Variants in CD47 observed in about 807,000 individuals in gnomAD.
CD47 encodes the protein leukocyte surface antigen CD47.
CD47 carries 11 observed loss-of-function variants against 44.6 expected under a neutral mutation model. That is an observed-to-expected ratio of 0.25 (90% CI 0.16 to 0.41). The LOEUF (loss-of-function observed/expected upper bound fraction) is 0.41, where lower values mean the gene tolerates loss of function less well. CD47 is among the 10% of genes least tolerant of loss of function. The pLI is 1.00. For synonymous variants in CD47, 140 were observed against 136.3 expected (o/e 1.03, Z -0.19); for missense variants, 306 against 386.7 (o/e 0.79, Z 1.75).
intron 10 of CD47, among the ~76,000 whole-genome samples, chr3:108,049,132 C>CA (rs2078777689): frequency 7.1e-6 from 1 of 140,270 alleles, no homozygotes; most frequent in Non-Finnish European, 1.5e-5. Flanking sequence ...CTCTCTCTCT[C>CA]TCTCTCTCTC....
Position 108,058,317 on chromosome 3 carries a change from TAC to T in CD47, c.784+18_784+19del. 6.9e-7 allele frequency: 1 copy of T among 1,449,004 alleles called. No homozygotes were observed. The highest frequency in any genetic ancestry group is 1.3e-5 in the South Asian group (1 of 78,478). The allele number at this position is 1,449,004 out of a possible 1,614,324, so 89.8% of individuals were successfully genotyped here. ...GTCCAAAAGTAACCCAAATTAGGTCTACAGAAAGATGACTCTTACCCGCAATA... is the reference window on the plus strand; with the variant it reads ...GTCCAAAAGTAACCCAAATTAGGTCTAGAAAGATGACTCTTACCCGCAATA... On this transcript the variant is annotated intron_variant, in intron 6 of 10. Coordinates refer to ENST00000361309, the MANE Select transcript of CD47 (RefSeq NM_001777.4).
At position 108,055,463 on chromosome 3, in the gene CD47, A is replaced by G. The variant is rs942731335; in HGVS notation, c.877+2014T>C. Reference sequence around the variant, plus strand: ...TTACACAGTCAGATTATATAAGCAAACCATATTAATGTTCCTCCTAGTCTA... The same window carrying G: ...TTACACAGTCAGATTATATAAGCAAGCCATATTAATGTTCCTCCTAGTCTA... On this transcript the variant is annotated intron_variant, in intron 7 of 10. Coordinates refer to ENST00000361309, the MANE Select transcript of CD47 (RefSeq NM_001777.4). 1.0e-5 allele frequency: 10 copies of G among 969,782 alleles called. No individual in the cohort carries two copies. In the East Asian group the frequency reaches 5.5e-4, roughly 53 times the overall value. The allele number at this position is 969,782 out of a possible 1,614,324, so 60.1% of individuals were successfully genotyped here.
chr3:108,087,828 A>G (rs185640271), intron 1 of CD47, among the ~76,000 whole-genome samples: 1 of 152,300 alleles, frequency 6.6e-6, no homozygotes, highest in Admixed American at 6.5e-5. Context: ...TTTCTGTTTC[A>G]ACACTGTATA....
At chr3:108,052,570 T>G (rs747210258) in intron 7 of CD47, 1 of 152,654 alleles carries the variant, frequency 6.6e-6, no homozygotes, top group African/African-American at 2.4e-5. Context: ...ATTAATGAAG[T>G]TGAAGGAATA....
At chr3:108,080,806 A>T (rs1183001338) in intron 1 of CD47, among the ~76,000 whole-genome samples, 1 of 151,908 alleles carries the variant, frequency 6.6e-6, no homozygotes, top group Non-Finnish European at 1.5e-5. Flanking sequence ...ACTGATATGA[A>T]ATTTATCTTT....
chr3:108,079,567 TAAAAAA>T (rs71629342), intron 2 of CD47, among the ~76,000 whole-genome samples: 2 of 53,102 alleles, frequency 3.8e-5, no homozygotes, highest in African/African-American at 1.0e-4. Context: ...AGTGTAAGGT[TAAAAAA>T]AAAAAAAAAA....
At chr3:108,056,179 C>G (rs1165541875) in intron 7 of CD47, among the ~76,000 whole-genome samples, 2 of 152,206 alleles carry the variant, frequency 1.3e-5, no homozygotes, top group African/African-American at 4.8e-5. Context: ...CACCAACATT[C>G]AAGATGTTCA....
intron 3 of CD47, among the ~76,000 whole-genome samples, chr3:108,066,335 T>C (rs913361496): frequency 6.6e-6 from 1 of 152,232 alleles, no homozygotes; most frequent in Non-Finnish European, 1.5e-5. Flanking sequence ...TATTCTGATA[T>C]GAATTCCAGT....
intron 8 of CD47, chr3:108,050,821 A>G: frequency 2.0e-6 from 1 of 506,770 alleles, no homozygotes; most frequent in Non-Finnish European, 3.8e-6. Context: ...TTATTCTCTT[A>G]ATATTATTTT....
chr3:108,047,156 T>A lies in CD47; in HGVS notation c.*132A>T. On this transcript the variant is annotated 3_prime_UTR_variant, in exon 11 of 11. Coordinates refer to ENST00000361309, the MANE Select transcript of CD47 (RefSeq NM_001777.4). The stretch of plus-strand genomic sequence containing the variant: ...AACTAACAATCACGTAAGGGTCTCA[T>A]AGGTGACAACCAGTTACTTTTCTTG... 1 of 610,876 alleles carries A rather than the reference T, an allele frequency of 1.6e-6. No individual in the cohort carries two copies. Among genetic ancestry groups the A allele is most frequent in the East Asian group, 2.8e-5 (1 of 35,204 alleles). The allele number at this position is 610,876 out of a possible 1,614,324, so 37.8% of individuals were successfully genotyped here.
chr3:108,052,296 GTGCT>G, intron 7 of CD47: 1 of 262,862 alleles, frequency 3.8e-6, no homozygotes, highest in Non-Finnish European at 7.4e-6. Flanking sequence ...CCCACCATGG[GTGCT>G]CCATCCTCCC....
intron 2 of CD47, among the ~76,000 whole-genome samples, chr3:108,079,436 C>A (rs908905162): frequency 4.0e-5 from 6 of 151,316 alleles, no homozygotes; most frequent in Middle Eastern, 6.8e-3. Flanking sequence ...AAAAGAAGAC[C>A]AAAGTAAGGC....
At chr3:108,086,823 A>G (rs974530442) in intron 1 of CD47, among the ~76,000 whole-genome samples, 2 of 152,136 alleles carry the variant, frequency 1.3e-5, no homozygotes, top group Non-Finnish European at 2.9e-5. Flanking sequence ...AAGATCTAAG[A>G]TGCAAGACTG....
In CD47 at chr3:108,090,389, G is replaced by A. The variant is rs1438498920; in HGVS notation, c.46+474C>T. ...GCAGAAACCCCTTCTCACCGACTTCGCCAAAATGCGCACTTCCATCGCAAG... is the reference window on the plus strand; with the variant it reads ...GCAGAAACCCCTTCTCACCGACTTCACCAAAATGCGCACTTCCATCGCAAG... On this transcript the variant is annotated intron_variant, in intron 1 of 10. Transcript: ENST00000361309. Among the ~76,000 whole-genome samples the A allele has an allele frequency of 3.3e-5, 5 of 152,194 alleles. No homozygotes were observed. In the East Asian group the frequency reaches 9.7e-4, roughly 29 times the overall value.
intron 9 of CD47, among the ~76,000 whole-genome samples, chr3:108,050,357 C>T (rs1383391436): frequency 1.3e-5 from 2 of 152,172 alleles, no homozygotes; most frequent in Non-Finnish European, 2.9e-5. Context: ...ACCTCGTGAT[C>T]TGCCCGCCTT....
intron 7 of CD47, among the ~76,000 whole-genome samples, chr3:108,057,238 C>G (rs2078926843): frequency 6.6e-6 from 1 of 152,128 alleles, no homozygotes; most frequent in East Asian, 1.9e-4. Context: ...TCCTATATGT[C>G]TTCTACCCTC....
chr3:108,084,995 C>G lies in CD47; in HGVS notation c.47-4651G>C, dbSNP rs1480307356. Among the ~76,000 whole-genome samples, 4 of 152,086 alleles carry G rather than the reference C, an allele frequency of 2.6e-5. No individual in the cohort carries two copies. In the East Asian group the frequency reaches 7.7e-4, roughly 29 times the overall value. On this transcript the variant is annotated intron_variant, in intron 1 of 10. Transcript: ENST00000361309. ...CTAAATGCAAATGTGCACTCCTTTG[C>G]CTAAGATACTTTAACAACACCCTCA...
chr3:108,065,481 A>G (rs2079087346), intron 3 of CD47, among the ~76,000 whole-genome samples: 2 of 152,176 alleles, frequency 1.3e-5, no homozygotes, highest in Admixed American at 6.6e-5. Context: ...GGACAGGACC[A>G]AGGGAAAGCA....
At chr3:108,049,470 T>C in intron 10 of CD47, 149 bp downstream of exon 10, 1 of 670,412 alleles carries the variant, frequency 1.5e-6, no homozygotes, top group Admixed American at 2.7e-5. Flanking sequence ...GCAAAGTAGA[T>C]TTAAGTTGTA....
Sources: gnomAD v4.1 joint callset for allele counts (sites outside exome capture counted in the v4.1 genomes callset) on GRCh38, gnomAD v4.1.1 for gene constraint, MANE v1.5 for transcripts, NCBI Gene and HGNC (gene_info 2026-07-23, HGNC 2026-07-21) for gene names.